The following MACROD1 variants were observed in gnomAD, a reference collection of about 807,000 sequenced individuals.
The protein encoded by MACROD1 is ADP-ribose glycohydrolase MACROD1.
A neutral mutation model predicts 41.4 loss-of-function variants in MACROD1; 31 were observed. That is an observed-to-expected ratio of 0.75 (90% CI 0.56 to 1.01). The LOEUF (loss-of-function observed/expected upper bound fraction) is 1.01. Ranked by LOEUF, MACROD1 falls within the 50% of genes least tolerant of loss-of-function variation. MACROD1 has a pLI of 0.00. For missense variants in MACROD1, 473 were observed against 460.0 expected (o/e 1.03, Z -0.26); for synonymous variants, 252 against 203.4 (o/e 1.24, Z -2.03).
intron 3 of MACROD1, among the ~76,000 whole-genome samples, chr11:64,114,408 C>CATGGATGGATGGAGGGATGGTTGAATGG (rs1944932510): frequency 1.1e-5 from 1 of 91,068 alleles, no homozygotes; most frequent in Non-Finnish European, 2.3e-5. Flanking sequence ...CAGGTGGATG[C>CATGGATGGATGGAGGGATGGTTGAATGG]ATGGATGGAT....
chr11:64,060,937 CGCGGCG>C (rs544654619), intron 3 of MACROD1, among the ~76,000 whole-genome samples: 1 of 151,322 alleles, frequency 6.6e-6, no homozygotes, highest in African/African-American at 2.4e-5. Context: ...GCATGCGCAC[CGCGGCG>C]GCGGCGGCGG....
chr11:64,120,159 G>A lies in MACROD1; in HGVS notation c.517+31080C>T, dbSNP rs1351460630. ...TTCAGTGAGGAGATGGGGCTGAAAG[G>A]AGCGGACACAACAGCCACGTGGAAA... On this transcript the variant is annotated intron_variant, in intron 3 of 10. Transcript: ENST00000255681. The surrounding 1 kb of genome is among the most constrained non-coding windows in gnomAD (Gnocchi z 4.5). 6.6e-6 allele frequency among the ~76,000 whole-genome samples: 1 copy of A among 152,204 alleles called. No homozygotes were observed. Among genetic ancestry groups the A allele is most frequent in the African/African-American group, 2.4e-5 (1 of 41,452 alleles).
At chr11:64,083,048 G>T (rs959515844) in intron 3 of MACROD1, 3 of 152,016 alleles carry the variant, frequency 2.0e-5, no homozygotes, top group Non-Finnish European at 4.4e-5. Flanking sequence ...CACCCAGTGG[G>T]TATCATCATC....
At chr11:64,100,628 T>A (rs1363729983) in intron 3 of MACROD1, among the ~76,000 whole-genome samples, 1 of 152,184 alleles carries the variant, frequency 6.6e-6, no homozygotes, top group Non-Finnish European at 1.5e-5. Context: ...CTCCTTTGGT[T>A]CAGTGAATGC....
rs1944584228 is a variant in MACROD1 at position 64,096,793 on chromosome 11, G to A, written c.517+54446C>T. Among the ~76,000 whole-genome samples the A allele has an allele frequency of 6.6e-6, 1 of 152,186 alleles. No homozygotes were observed. Among genetic ancestry groups the A allele is most frequent in the African/African-American group, 2.4e-5 (1 of 41,452 alleles). On this transcript the variant is annotated intron_variant, in intron 3 of 10. Transcript: ENST00000255681. The surrounding 1 kb of genome is among the most constrained non-coding windows in gnomAD (Gnocchi z 4.6). ...GCAGTGCCCCTCCCTGAGGGGAAGA[G>A]GGCAGGCCTGTGGGGGGCTGCCGTG...
At chr11:64,025,717 G>T (rs868626559) in intron 3 of MACROD1, among the ~76,000 whole-genome samples, 1 of 129,778 alleles carries the variant, frequency 7.7e-6, no homozygotes, top group Non-Finnish European at 1.7e-5. Flanking sequence ...GGCCCCCCCC[G>T]CTCCTTTTTT....
chr11:64,010,466 C>T (rs111261960), intron 4 of MACROD1, among the ~76,000 whole-genome samples: 11 of 82,566 alleles, frequency 1.3e-4, no homozygotes, highest in African/African-American at 3.4e-4. Flanking sequence ...TGCTGGCTGG[C>T]ATGTTGGTTG....
chr11:64,099,037 C>T (rs1184852736), intron 3 of MACROD1, among the ~76,000 whole-genome samples: 1 of 152,214 alleles, frequency 6.6e-6, no homozygotes, highest in African/African-American at 2.4e-5. Flanking sequence ...GTTTCTACTT[C>T]GGGAGGAAGC....
chr11:64,057,247 C>T (rs1050914618), intron 3 of MACROD1, among the ~76,000 whole-genome samples: 10 of 152,352 alleles, frequency 6.6e-5, no homozygotes, highest in South Asian at 2.1e-4. Context: ...ACGTAGGGGA[C>T]GGGACAGCCC....
chr11:64,121,623 T>C (rs1027920361), intron 3 of MACROD1, among the ~76,000 whole-genome samples: 2 of 152,158 alleles, frequency 1.3e-5, no homozygotes, highest in Admixed American at 6.5e-5. Context: ...AGATAGGAGA[T>C]GTTTCAGGAC....
chr11:64,089,615 G>A (rs1278404697), intron 3 of MACROD1, among the ~76,000 whole-genome samples: 1 of 152,236 alleles, frequency 6.6e-6, no homozygotes, highest in African/African-American at 2.4e-5. Flanking sequence ...TGTTCTCAGA[G>A]CAAGGAACTC....
intron 3 of MACROD1, among the ~76,000 whole-genome samples, chr11:64,048,802 C>A (rs1739962667): frequency 6.6e-6 from 1 of 152,228 alleles, no homozygotes; most frequent in South Asian, 2.1e-4. Context: ...CCATTCTGAG[C>A]CCCAGGGGCT....
At chr11:64,051,023 G>C (rs1943683631) in intron 3 of MACROD1, among the ~76,000 whole-genome samples, 1 of 152,226 alleles carries the variant, frequency 6.6e-6, no homozygotes, top group Admixed American at 6.5e-5. Context: ...TGCCCAGGGG[G>C]ACAGCCTGGT....
At position 64,082,452 on chromosome 11, in the gene MACROD1, C is replaced by T. The variant is rs1944320948; in HGVS notation, c.518-67171G>A. ...GGCAGGCAGGTGAGGGGCTTGAGGG[C>T]AGGGCTGAGGGACTGAGGGCCAGGC... On this transcript the variant is annotated intron_variant, in intron 3 of 10. Transcript: ENST00000255681. This position sits in a 1 kb window ranked among gnomAD's most constrained non-coding sequence, Gnocchi z 4.5. 6.6e-6 allele frequency among the ~76,000 whole-genome samples: 1 copy of T among 151,804 alleles called. No homozygotes were observed. Among genetic ancestry groups the T allele is most frequent in the Non-Finnish European group, 1.5e-5 (1 of 67,936 alleles).
chr11:64,070,398 A>G (rs1944085339), intron 3 of MACROD1, among the ~76,000 whole-genome samples: 1 of 152,134 alleles, frequency 6.6e-6, no homozygotes, highest in African/African-American at 2.4e-5. Flanking sequence ...CCTATAAAAT[A>G]GAGCCGGCCA....
chr11:64,112,747 G>A (rs1944885211), intron 3 of MACROD1, among the ~76,000 whole-genome samples: 1 of 152,170 alleles, frequency 6.6e-6, no homozygotes, highest in East Asian at 1.9e-4. Flanking sequence ...GGGGGTGCCT[G>A]GCTGCTGCAG....
chr11:64,041,153 C>T (rs1943476530), intron 3 of MACROD1, among the ~76,000 whole-genome samples: 1 of 134,852 alleles, frequency 7.4e-6, no homozygotes, highest in South Asian at 2.4e-4. Flanking sequence ...CCTCCTTCTG[C>T]CTGAATTAAT....
intron 3 of MACROD1, among the ~76,000 whole-genome samples, chr11:64,102,200 T>C (rs1281536285): frequency 2.6e-5 from 4 of 151,862 alleles, no homozygotes; most frequent in Admixed American, 2.0e-4. Flanking sequence ...CAAAGAGGGG[T>C]TCCTGCAGGG....
At chr11:64,053,084 A>AGGGGCTTCTGATTCCCTGCCTGAG (rs1943723278) in intron 3 of MACROD1, among the ~76,000 whole-genome samples, 1 of 152,180 alleles carries the variant, frequency 6.6e-6, no homozygotes, top group African/African-American at 2.4e-5. Flanking sequence ...GATTCCCTCC[A>AGGGGCTTCTGATTCCCTGCCTGAG]GCACGCTGGG....
Sources: gnomAD v4.1 joint callset for allele counts (sites outside exome capture counted in the v4.1 genomes callset) on GRCh38, gnomAD v4.1.1 for gene constraint, Gnocchi (gnomAD v3.1) non-coding constraint, MANE v1.5 for transcripts, NCBI Gene and HGNC (gene_info 2026-07-23, HGNC 2026-07-21) for gene names.